OAT: variants seen among roughly 807,000 people sequenced by gnomAD.
OAT encodes ornithine aminotransferase.
In OAT, 35 loss-of-function variants were observed where a neutral mutation model predicts 48.4. The observed-to-expected ratio is 0.72, with a 90% CI of 0.55 to 0.96. OAT has a LOEUF of 0.96. Among genes scored for constraint, OAT ranks in the 40% least tolerant of loss-of-function variants. The pLI is 0.00. For synonymous variants in OAT, 182 were observed against 198.4 expected (o/e 0.92, Z 0.70); for missense variants, 438 against 537.9 (o/e 0.81, Z 1.84).
In OAT at chr10:124,400,889, G is replaced by A. The variant is rs148325838; in HGVS notation, c.1110C>T (p.Ala370=). 111 of 1,605,326 alleles carry A rather than the reference G, an allele frequency of 6.9e-5. No individual in the cohort carries two copies. In the South Asian group the frequency reaches 8.6e-4, roughly 12 times the overall value. The change falls in exon 9 of 10, where the codon GCC becomes GCT. Residue 370 remains alanine, a synonymous_variant. Coordinates refer to ENST00000368845, the MANE Select transcript of OAT (RefSeq NM_000274.4). ...LMKLPSDVVT[A]VRGKGLLNAI... The stretch of plus-strand genomic sequence containing the variant: ...CGTTTAATAATCCTTTTCCTCTTAC[G>A]GCAGTTACAACATCAGAAGGTAGCT...
At position 124,412,217 on chromosome 10, in the gene OAT, G is replaced by GAATGCATTAAGAGTGAGAATCCTTGGC. The variant is rs1373281099; in HGVS notation, c.-29-44_-29-18dup. The GAATGCATTAAGAGTGAGAATCCTTGGC allele has an allele frequency of 1.3e-6, 2 of 1,563,670 alleles. No homozygotes were observed. The highest frequency in any genetic ancestry group is 2.7e-5 in the African/African-American group (2 of 73,900). On this transcript the variant is annotated splice_polypyrimidine_tract_variant and intron_variant, in intron 1 of 9. Coordinates refer to ENST00000368845, the MANE Select transcript of OAT (RefSeq NM_000274.4). The stretch of plus-strand genomic sequence containing the variant: ...ACCACAGATCTGTCCAAAGAAAAGA[G>GAATGCATTAAGAGTGAGAATCCTTGGC]AATGCATTAAGAGTGAGAATCCTTG...
At position 124,411,969 on chromosome 10, in the gene OAT, G is replaced by C; in HGVS notation, c.199+4C>G. The C allele has an allele frequency of 1.9e-6, 3 of 1,611,176 alleles. No individual in the cohort carries two copies. Among genetic ancestry groups the C allele is most frequent in the Non-Finnish European group, 2.5e-6 (3 of 1,177,802 alleles). ...GGGAAAAGACGGATTAATTTGAAAC[G>C]TACCTTTTCCTCTCTCCAGGGCTAC... On this transcript the variant is annotated splice_donor_region_variant and intron_variant, in intron 2 of 9. Coordinates refer to ENST00000368845, the MANE Select transcript of OAT (RefSeq NM_000274.4).
chr10:124,402,026 T>G (rs995282263), intron 7 of OAT, among the ~76,000 whole-genome samples, 187 bp from the exon 8 acceptor site: 4 of 150,892 alleles, frequency 2.7e-5, no homozygotes, highest in Non-Finnish European at 4.4e-5. Flanking sequence ...GGATTACAGG[T>G]GCCCACCACC....
At chr10:124,412,315 A>G in intron 1 of OAT, 115 bp from the exon 2 acceptor site, 3 of 780,570 alleles carry the variant, frequency 3.8e-6, no homozygotes, top group Non-Finnish European at 6.4e-6. Context: ...GTTTGAGACC[A>G]GCCTGGGCAA....
At chr10:124,406,941 G>A in intron 4 of OAT, 4 of 984,710 alleles carry the variant, frequency 4.1e-6, no homozygotes, top group Non-Finnish European at 4.8e-6. Context: ...TAATTTCAGA[G>A]AGGATGACAT....
intron 9 of OAT, 58 bp from the exon 10 acceptor site, chr10:124,398,160 C>T: frequency 1.9e-6 from 3 of 1,585,054 alleles, no homozygotes; most frequent in Non-Finnish European, 2.6e-6. Flanking sequence ...CATCCCTTGC[C>T]GTATGTATGG....
Position 124,408,868 on chromosome 10 carries a change from A to T in OAT, c.297T>A (p.Asn99Lys), listed in dbSNP as rs530768910. Residue 99 changes from asparagine to lysine, a missense_variant, in exon 3 of 10, where the codon AAT becomes AAA. Asn to Lys is a moderately conservative substitution (Grantham distance 94, BLOSUM62 0). Coordinates refer to ENST00000368845, the MANE Select transcript of OAT (RefSeq NM_000274.4). ...ATTTGTCCACTTGACTCTTCAGAGC[A>T]TTCACAATCTTGGGGTGACAATGCC... Reference protein sequence around the residue: ...NQGHCHPKIVNALKSQVDKLT... With the variant: ...NQGHCHPKIVKALKSQVDKLT... 4 of 1,613,440 alleles carry T rather than the reference A, an allele frequency of 2.5e-6. No individual in the cohort carries two copies. The highest frequency in any genetic ancestry group is 3.3e-5 in the Admixed American group (2 of 59,992).
chr10:124,412,112 A>C lies in OAT; in HGVS notation c.60T>G (p.Ser20=). 2 of 1,614,224 alleles carry C rather than the reference A, an allele frequency of 1.2e-6. No individual in the cohort carries two copies. Among genetic ancestry groups the C allele is most frequent in the Non-Finnish European group, 1.7e-6 (2 of 1,180,040 alleles). Residue 20 remains serine, a synonymous_variant, in exon 2 of 10, where the codon TCT becomes TCG. Coordinates refer to ENST00000368845, the MANE Select transcript of OAT (RefSeq NM_000274.4). ...CAACAGATGTAGCAGAAGCCACTGA[A>C]GAATGAACTCCGCGACTAAGTACAG... ...RFAVLSRGVH[S]SVASATSVAT...
At chr10:124,402,549 G>C (rs1951441700) in intron 7 of OAT, among the ~76,000 whole-genome samples, 1 of 152,152 alleles carries the variant, frequency 6.6e-6, no homozygotes, top group Non-Finnish European at 1.5e-5. Flanking sequence ...CCCAAGACAT[G>C]AACTACAACA....
intron 4 of OAT, 85 bp from the exon 5 acceptor site, chr10:124,405,648 T>C: frequency 1.3e-6 from 2 of 1,581,380 alleles, no homozygotes; most frequent in Non-Finnish European, 8.6e-7. Context: ...ACAAGAAGTT[T>C]GACTCAAAAA....
intron 7 of OAT, 115 bp from the exon 8 acceptor site, chr10:124,401,954 T>C (rs1473473146): frequency 2.6e-6 from 2 of 759,646 alleles, no homozygotes; most frequent in African/African-American, 1.7e-5. Context: ...TGATCTCAGC[T>C]CACTGCAATC....
chr10:124,403,835 T>C lies in OAT; in HGVS notation c.734A>G (p.Tyr245Cys), dbSNP rs121965046. Residue 245 changes from tyrosine to cysteine, a missense_variant, in exon 6 of 10, where the codon TAC becomes TGC. Tyr to Cys is a radical substitution (Grantham distance 194). Coordinates refer to ENST00000368845, the MANE Select transcript of OAT (RefSeq NM_000274.4). ...EAGVVVPDPG[Y>C]LMGVRELCTR... Reference sequence around the variant, plus strand: ...GCAGAGCTCTCGCACTCCCATTAGGTAACCTGGATCCGGAACAACAACGCC... The same window carrying C: ...GCAGAGCTCTCGCACTCCCATTAGGCAACCTGGATCCGGAACAACAACGCC... 1.7e-5 allele frequency: 27 copies of C among 1,613,972 alleles called. No individual in the cohort carries two copies. Among genetic ancestry groups the C allele is most frequent in the Non-Finnish European group, 1.7e-5 (20 of 1,180,006 alleles).
chr10:124,407,002 ACAT>A (rs1479627467), intron 4 of OAT: 1 of 985,366 alleles, frequency 1.0e-6, no homozygotes, highest in Non-Finnish European at 1.2e-6. Context: ...GGAGTTTGTG[ACAT>A]CATGTTTTTA....
Position 124,412,039 on chromosome 10 carries a change from C to T in OAT, c.133G>A (p.Glu45Lys). 2 of 1,614,154 alleles carry T rather than the reference C, an allele frequency of 1.2e-6. No individual in the cohort carries two copies. The highest frequency in any genetic ancestry group is 1.7e-6 in the Non-Finnish European group (2 of 1,180,026). ...QGPPTSDDIF[E>K]REYKYGAHNY... ...TGTGCACCATACTTATATTCCCTTT[C>T]AAAAATGTCATCAGAGGTTGGAGGG... Residue 45 changes from glutamate to lysine, a missense_variant, in exon 2 of 10, where the codon GAA (glutamate) becomes AAA (lysine). By Grantham distance (56) the Glu-to-Lys change is moderately conservative. Coordinates refer to ENST00000368845, the MANE Select transcript of OAT (RefSeq NM_000274.4).
At position 124,412,219 on chromosome 10, in the gene OAT, A is replaced by C; in HGVS notation, c.-29-19T>G. 1 of 1,555,478 alleles carries C rather than the reference A, an allele frequency of 6.4e-7. No individual in the cohort carries two copies. Among genetic ancestry groups the C allele is most frequent in the Non-Finnish European group, 8.8e-7 (1 of 1,134,014 alleles). On this transcript the variant is annotated intron_variant, in intron 1 of 9. Transcript: ENST00000368845. ...CACAGATCTGTCCAAAGAAAAGAGAATGCATTAAGAGTGAGAATCCTTGGC... is the reference window on the plus strand; with the variant it reads ...CACAGATCTGTCCAAAGAAAAGAGACTGCATTAAGAGTGAGAATCCTTGGC...
At chr10:124,412,422 G>A (rs1480611602) in intron 1 of OAT, among the ~76,000 whole-genome samples, 2 of 151,970 alleles carry the variant, frequency 1.3e-5, no homozygotes, top group Non-Finnish European at 2.9e-5. Flanking sequence ...GAGGTGGGAG[G>A]ATTGCTTGAG....
At chr10:124,410,500 C>T (rs906111945) in intron 2 of OAT, among the ~76,000 whole-genome samples, 3 of 152,188 alleles carry the variant, frequency 2.0e-5, no homozygotes, top group African/African-American at 7.2e-5. Flanking sequence ...TTTACAATTA[C>T]TCTATGGTTA....
At chr10:124,413,299 CACACACACACATAT>C (rs1316134896) in intron 1 of OAT, among the ~76,000 whole-genome samples, 2 of 144,582 alleles carry the variant, frequency 1.4e-5, no homozygotes, top group African/African-American at 2.7e-5. Flanking sequence ...CACACACACA[CACACACACACATAT>C]ATGAGATTCC....
chr10:124,397,511 T>G lies in OAT; in HGVS notation c.*431A>C, dbSNP rs1045696012. 2.9e-5 allele frequency: 5 copies of G among 170,386 alleles called. No individual in the cohort carries two copies. The highest frequency in any genetic ancestry group is 1.2e-4 in the African/African-American group (5 of 41,600). 10.6% of individuals were successfully genotyped at this position (170,386 alleles called of 1,614,324 possible). A position where few individuals can be genotyped will look rare whatever the true frequency, so the allele number is the denominator to read the frequency against. Reference sequence around the variant, plus strand: ...TATTTTATATACACTTAACCATTAATCCTTCCTAAAATTCAATAACAATGA... The same window carrying G: ...TATTTTATATACACTTAACCATTAAGCCTTCCTAAAATTCAATAACAATGA... On this transcript the variant is annotated 3_prime_UTR_variant, in exon 10 of 10. Coordinates refer to ENST00000368845, the MANE Select transcript of OAT (RefSeq NM_000274.4).
Sources: gnomAD v4.1 joint callset for allele counts (sites outside exome capture counted in the v4.1 genomes callset) on GRCh38, gnomAD v4.1.1 for gene constraint, MANE v1.5 for transcripts, NCBI Gene and HGNC (gene_info 2026-07-23, HGNC 2026-07-21) for gene names.